The following RAB11FIP3 variants were observed in gnomAD, a reference collection of about 807,000 sequenced individuals.
The protein encoded by RAB11FIP3 is RAB11 family interacting protein 3.
A neutral mutation model predicts 77.8 loss-of-function variants in RAB11FIP3; 17 were observed. The ratio of observed to expected loss-of-function variants is 0.22; its 90% CI spans 0.15 to 0.33. RAB11FIP3 has a LOEUF of 0.33. Ranked by LOEUF, RAB11FIP3 falls within the 10% of genes least tolerant of loss-of-function variation. The probability of loss-of-function intolerance (pLI) is 1.00; values close to 1 mark genes in which losing one functional copy is unlikely to be tolerated. For synonymous variants in RAB11FIP3, 437 were observed against 448.2 expected, an observed-to-expected ratio of 0.98 and a Z score of 0.31; for missense variants, 1,005 against 1,011.2, an observed-to-expected ratio of 0.99 and a Z score of 0.08.
At chr16:463,658 G>A (rs958781613) in intron 2 of RAB11FIP3, among the ~76,000 whole-genome samples, 6 of 151,996 alleles carry the variant, frequency 3.9e-5, no homozygotes, top group African/African-American at 1.4e-4. Context: ...GGCTGGTCTC[G>A]AACTCCTGAC....
chr16:466,862 C>A (rs1248611613), intron 2 of RAB11FIP3, among the ~76,000 whole-genome samples: 1 of 152,182 alleles, frequency 6.6e-6, no homozygotes, highest in African/African-American at 2.4e-5. Flanking sequence ...CGCCTGTCTG[C>A]TTGAGAGGGC....
chr16:477,127 G>A (rs1255091733), intron 3 of RAB11FIP3, among the ~76,000 whole-genome samples: 3 of 150,756 alleles, frequency 2.0e-5, no homozygotes, highest in Admixed American at 6.6e-5. Flanking sequence ...TGTGGCAGGC[G>A]CCTGTAATCC....
chr16:474,118 T>C (rs2055857505), intron 3 of RAB11FIP3, among the ~76,000 whole-genome samples: 4 of 151,730 alleles, frequency 2.6e-5, no homozygotes, highest in Admixed American at 2.6e-4. Flanking sequence ...TCATGTCATC[T>C]TAAAAAAAAA....
intron 1 of RAB11FIP3, among the ~76,000 whole-genome samples, chr16:438,119 T>A (rs2055162033): frequency 6.7e-6 from 1 of 149,556 alleles, no homozygotes; most frequent in Non-Finnish European, 1.5e-5. Flanking sequence ...TTCCCCCACC[T>A]CCTCCTGAGA....
intron 1 of RAB11FIP3, among the ~76,000 whole-genome samples, chr16:427,074 A>G (rs1404595356): frequency 6.6e-6 from 1 of 151,928 alleles, no homozygotes; most frequent in Non-Finnish European, 1.5e-5. Flanking sequence ...CCCCTGAATG[A>G]AGAAGTTCCC....
At chr16:491,245 C>T (rs1397643279) in intron 5 of RAB11FIP3, 7 of 1,304,870 alleles carry the variant, frequency 5.4e-6, no homozygotes, top group African/African-American at 1.5e-5. Context: ...TTTCTGCCCG[C>T]CTGAGTGATC....
chr16:446,929 G>T (rs539732435), intron 1 of RAB11FIP3, among the ~76,000 whole-genome samples: 158 of 149,592 alleles, frequency 1.1e-3, no homozygotes, highest in Non-Finnish European at 1.8e-3. Context: ...TTGAACTCCT[G>T]ACCTCATGAT....
intron 1 of RAB11FIP3, among the ~76,000 whole-genome samples, chr16:441,484 G>T (rs117799316): frequency 0.014 from 2,168 of 152,252 alleles, 28 homozygotes; most frequent in Non-Finnish European, 0.019. Context: ...TTCATTCAAA[G>T]CCCCACCTGT....
chr16:489,111 G>C, intron 5 of RAB11FIP3, 111 bp downstream of exon 5: 1 of 1,276,626 alleles, frequency 7.8e-7, no homozygotes, highest in South Asian at 1.6e-5. Context: ...TTTCCTTGAC[G>C]TCATGTGATT....
At chr16:465,656 C>T (rs2055689625) in intron 2 of RAB11FIP3, among the ~76,000 whole-genome samples, 2 of 152,234 alleles carry the variant, frequency 1.3e-5, no homozygotes, top group East Asian at 3.9e-4. Context: ...GTCGGCCAGG[C>T]TAGAGTGCAG....
At chr16:444,155 G>A (rs2055273703) in intron 1 of RAB11FIP3, among the ~76,000 whole-genome samples, 1 of 152,184 alleles carries the variant, frequency 6.6e-6, no homozygotes, top group Non-Finnish European at 1.5e-5. Flanking sequence ...GCCCTGGACA[G>A]CGCCCTGAGT....
At chr16:451,682 A>G (rs1301806930) in intron 1 of RAB11FIP3, 1 of 152,046 alleles carries the variant, frequency 6.6e-6, no homozygotes, top group Non-Finnish European at 1.5e-5. Context: ...AAAAATACAA[A>G]AAATTAGCCA....
chr16:491,144 C>T (rs775159909), intron 5 of RAB11FIP3: 1 of 1,302,232 alleles, frequency 7.7e-7, no homozygotes, highest in Non-Finnish European at 1.0e-6. Context: ...CACTGACCCT[C>T]TTGCCGCAAA....
intron 2 of RAB11FIP3, among the ~76,000 whole-genome samples, chr16:468,525 A>G (rs73494395): frequency 0.11 from 17,109 of 152,148 alleles, 2,077 homozygotes; most frequent in African/African-American, 0.3. Flanking sequence ...CACTTCAGCC[A>G]AAGTTCACTT....
intron 8 of RAB11FIP3, among the ~76,000 whole-genome samples, chr16:509,164 A>G (rs1027882160): frequency 1.3e-5 from 2 of 152,178 alleles, no homozygotes; most frequent in African/African-American, 4.8e-5. Context: ...TCTGCCTCCC[A>G]GAGTGCTGGG....
chr16:432,479 GATA>G (rs1186525638), intron 1 of RAB11FIP3, among the ~76,000 whole-genome samples: 3 of 151,712 alleles, frequency 2.0e-5, no homozygotes, highest in Non-Finnish European at 4.4e-5. Flanking sequence ...ATCATTAAGA[GATA>G]ATTAAATATT....
rs374170888 is a variant in RAB11FIP3, at chr16:460,167, C to T, written c.715-1237C>T. ...GCTGGGGATTACAGGTGTGAGCCAC[C>T]GCACCTGGCCTGAGTTGTCTTCTTA... On this transcript the variant is annotated intron_variant, in intron 1 of 13. Coordinates refer to ENST00000262305, the MANE Select transcript of RAB11FIP3 (RefSeq NM_014700.4). Among the ~76,000 whole-genome samples the T allele has an allele frequency of 6.6e-4, 101 of 152,090 alleles. 2 individuals are homozygous for T. The South Asian group carries it at 0.02, about 29-fold the overall frequency.
intron 1 of RAB11FIP3, among the ~76,000 whole-genome samples, chr16:448,781 G>A (rs2055360225): frequency 6.6e-6 from 1 of 151,190 alleles, no homozygotes; most frequent in African/African-American, 2.4e-5. Flanking sequence ...CGGGCGTGGT[G>A]GTGCATGCCT....
In RAB11FIP3 at chr16:507,788, T is replaced by C. The variant is rs928672562; in HGVS notation, c.1499+2161T>C. On this transcript the variant is annotated intron_variant, in intron 8 of 13. Coordinates refer to ENST00000262305, the MANE Select transcript of RAB11FIP3 (RefSeq NM_014700.4). The surrounding 1 kb of genome is among the most constrained non-coding windows in gnomAD (Gnocchi z 4.6). ...TGCCCGTTCTGAGCCATTTGCTCTCTAGCCCTACCATACAGCTGCCATCCT... is the reference window on the plus strand; with the variant it reads ...TGCCCGTTCTGAGCCATTTGCTCTCCAGCCCTACCATACAGCTGCCATCCT... Among the ~76,000 whole-genome samples the C allele has an allele frequency of 6.6e-6, 1 of 152,184 alleles. No homozygotes were observed. The highest frequency in any genetic ancestry group is 2.4e-5 in the African/African-American group (1 of 41,440).
Sources: gnomAD v4.1 joint callset for allele counts (sites outside exome capture counted in the v4.1 genomes callset) on GRCh38, gnomAD v4.1.1 for gene constraint, Gnocchi (gnomAD v3.1) non-coding constraint, MANE v1.5 for transcripts, NCBI Gene and HGNC (gene_info 2026-07-23, HGNC 2026-07-21) for gene names.